PTPRN2: variants seen among roughly 807,000 people sequenced by gnomAD.
PTPRN2 encodes the protein receptor-type tyrosine-protein phosphatase N2.
A neutral mutation model predicts 118.8 loss-of-function variants in PTPRN2; 74 were observed. The observed-to-expected ratio is 0.62, with a 90% CI of 0.52 to 0.76. The LOEUF (loss-of-function observed/expected upper bound fraction) is 0.76, where lower values mean the gene tolerates loss of function less well. Ranked by LOEUF, PTPRN2 falls within the 30% of genes least tolerant of loss-of-function variation. The pLI is 0.00. For synonymous variants in PTPRN2, 641 were observed against 608.0 expected, an observed-to-expected ratio of 1.05 and a Z score of -0.80; for missense variants, 1,481 against 1,394.4, an observed-to-expected ratio of 1.06 and a Z score of -0.99.
At chr7:158,081,085 G>C (rs1187798727) in intron 11 of PTPRN2, among the ~76,000 whole-genome samples, 1 of 152,208 alleles carries the variant, frequency 6.6e-6, no homozygotes, top group African/African-American at 2.4e-5. Context: ...TGAAATCCCA[G>C]ATGGTGCCCA....
chr7:157,737,276 C>G (rs912252746), intron 12 of PTPRN2, among the ~76,000 whole-genome samples: 1 of 152,270 alleles, frequency 6.6e-6, no homozygotes, highest in African/African-American at 2.4e-5. Context: ...CAAGCTCGCC[C>G]CAGACTGGGG....
At chr7:158,466,416 T>C (rs1258045388) in intron 2 of PTPRN2, among the ~76,000 whole-genome samples, 1 of 152,188 alleles carries the variant, frequency 6.6e-6, no homozygotes, top group East Asian at 1.9e-4. Context: ...TCATGCAGTA[T>C]CTGCCTTTCT....
At chr7:157,732,218 T>C (rs78172103) in intron 12 of PTPRN2, among the ~76,000 whole-genome samples, 1,983 of 4,256 alleles carry the variant, frequency 0.47, 57 homozygotes, top group Middle Eastern at 0.5. Context: ...GCACAGTTAC[T>C]CTTTCCCGTC....
intron 14 of PTPRN2, among the ~76,000 whole-genome samples, chr7:157,655,233 A>C (rs1361731031): frequency 6.6e-6 from 1 of 152,170 alleles, no homozygotes; most frequent in Admixed American, 6.5e-5. Flanking sequence ...CCTCATTTTA[A>C]GTTATCCAGG....
chr7:158,166,878 G>T (rs1823058021), intron 6 of PTPRN2, 53 bp downstream of exon 6: 3 of 1,415,856 alleles, frequency 2.1e-6, no homozygotes, highest in Non-Finnish European at 2.8e-6. Context: ...CACTGGGAGG[G>T]GCTGGACAGA....
chr7:157,542,649 C>T (rs1798067973), intron 22 of PTPRN2, among the ~76,000 whole-genome samples: 1 of 152,200 alleles, frequency 6.6e-6, no homozygotes. Context: ...TAACTGTTTC[C>T]AACACTGCAC....
intron 11 of PTPRN2, among the ~76,000 whole-genome samples, chr7:157,994,594 A>ACGCCGCATCCCCAGCTTACAGCTCCT (rs1804540003): frequency 7.1e-6 from 1 of 141,120 alleles, no homozygotes; most frequent in African/African-American, 2.8e-5. Flanking sequence ...TCCTAAATCA[A>ACGCCGCATCCCCAGCTTACAGCTCCT]TGCCGCGTCC....
At chr7:157,755,086 A>G (rs981562211) in intron 12 of PTPRN2, among the ~76,000 whole-genome samples, 1 of 152,124 alleles carries the variant, frequency 6.6e-6, no homozygotes, top group African/African-American at 2.4e-5. Context: ...GGGTTTCTCC[A>G]TGTTGCCCAG....
At chr7:157,555,712 C>A (rs577664510) in intron 21 of PTPRN2, among the ~76,000 whole-genome samples, 1 of 152,154 alleles carries the variant, frequency 6.6e-6, no homozygotes, top group African/African-American at 2.4e-5. Context: ...AAAGTAAAAA[C>A]GACAATGTGT....
At chr7:157,579,044 C>CA (rs11433219) in intron 17 of PTPRN2, among the ~76,000 whole-genome samples, 145,004 of 152,344 alleles carry the variant, frequency 0.95, 69,159 homozygotes, top group Middle Eastern at 1. Context: ...AAAACAGACA[C>CA]AAAATCCAAT....
At chr7:158,403,934 A>G (rs763311886) in intron 2 of PTPRN2, among the ~76,000 whole-genome samples, 46 of 152,248 alleles carry the variant, frequency 3.0e-4, no homozygotes, top group Non-Finnish European at 3.5e-4. Flanking sequence ...GTAGGGTAAA[A>G]GTCACAAGAA....
chr7:157,734,088 A>G (rs1585335262), intron 12 of PTPRN2, among the ~76,000 whole-genome samples: 1 of 96,344 alleles, frequency 1.0e-5, no homozygotes, highest in African/African-American at 4.8e-5. Context: ...TGCACCCAGC[A>G]CAGTTACCCT....
At chr7:157,655,821 G>A (rs962448214) in intron 14 of PTPRN2, among the ~76,000 whole-genome samples, 1 of 152,114 alleles carries the variant, frequency 6.6e-6, no homozygotes, top group Non-Finnish European at 1.5e-5. Context: ...TCACTCCAGC[G>A]AGGACCCTGG....
At chr7:157,946,498 G>A (rs1186835494) in intron 11 of PTPRN2, among the ~76,000 whole-genome samples, 1 of 152,188 alleles carries the variant, frequency 6.6e-6, no homozygotes, top group Non-Finnish European at 1.5e-5. Context: ...CAAGTGAGAG[G>A]CTTTGTTATC....
intron 1 of PTPRN2, among the ~76,000 whole-genome samples, chr7:158,505,179 G>A (rs1429010829): frequency 6.6e-6 from 1 of 152,068 alleles, no homozygotes; most frequent in African/African-American, 2.4e-5. Context: ...ATATCACTGA[G>A]GCATAAGTCT....
chr7:157,722,642 C>T (rs920470180), intron 12 of PTPRN2, among the ~76,000 whole-genome samples: 1 of 152,148 alleles, frequency 6.6e-6, no homozygotes, highest in African/African-American at 2.4e-5. Context: ...CATTCCTCGG[C>T]AGGGCACTGC....
intron 3 of PTPRN2, among the ~76,000 whole-genome samples, chr7:158,257,662 C>T (rs1051660393): frequency 2.0e-4 from 31 of 152,246 alleles, no homozygotes; most frequent in African/African-American, 7.2e-4. Flanking sequence ...CTGGGTCTCA[C>T]CCACTGTACA....
In PTPRN2 at chr7:158,388,007, TAC is replaced by T. The variant is rs1811636522; in HGVS notation, c.164-71077_164-71076del. On this transcript the variant is annotated intron_variant, in intron 2 of 22. Coordinates refer to ENST00000389418, the MANE Select transcript of PTPRN2 (RefSeq NM_002847.5). ...ATTTATACACACACATCTCTATTTA[TAC>T]ACACATACAAACCCCCTGCTGAGTC... is the stretch of plus-strand genomic sequence containing the variant. 1.3e-5 allele frequency among the ~76,000 whole-genome samples: 2 copies of T among 152,182 alleles called. 1 individual carries two copies. Among genetic ancestry groups the T allele is most frequent in the Admixed American group, 1.3e-4 (2 of 15,272 alleles).
At chr7:158,457,490 C>T (rs1818609777) in intron 2 of PTPRN2, among the ~76,000 whole-genome samples, 1 of 151,302 alleles carries the variant, frequency 6.6e-6, no homozygotes, top group Non-Finnish European at 1.5e-5. Context: ...CGGTGAGGGG[C>T]GTTACCACCA....
Sources: gnomAD v4.1 joint callset for allele counts (sites outside exome capture counted in the v4.1 genomes callset) on GRCh38, gnomAD v4.1.1 for gene constraint, MANE v1.5 for transcripts, NCBI Gene and HGNC (gene_info 2026-07-23, HGNC 2026-07-21) for gene names.